The following AIG1 variants were observed in gnomAD, a reference collection of about 807,000 sequenced individuals.
AIG1 encodes the protein androgen induced 1.
In AIG1, 23 loss-of-function variants were observed where a neutral mutation model predicts 31.4. The ratio of observed to expected loss-of-function variants is 0.73; its 90% CI spans 0.53 to 1.04. The LOEUF (loss-of-function observed/expected upper bound fraction) is 1.04. Among genes scored for constraint, AIG1 ranks in the 50% least tolerant of loss-of-function variants. The probability of loss-of-function intolerance (pLI) is 0.00; values close to 1 mark genes in which losing one functional copy is unlikely to be tolerated. For synonymous variants in AIG1, 100 were observed against 110.5 expected (o/e 0.90, Z 0.60); for missense variants, 274 against 295.0 (o/e 0.93, Z 0.52).
intron 3 of AIG1, among the ~76,000 whole-genome samples, chr6:143,206,706 T>TA (rs1336220202): frequency 6.6e-6 from 1 of 152,238 alleles, no homozygotes; most frequent in African/African-American, 2.4e-5. Context: ...TAGAGGTCTT[T>TA]AATTTAAAGA....
At chr6:143,253,431 T>G (rs1795153890) in intron 3 of AIG1, among the ~76,000 whole-genome samples, 1 of 152,236 alleles carries the variant, frequency 6.6e-6, no homozygotes, top group South Asian at 2.1e-4. Flanking sequence ...TGTTATTCTG[T>G]GAAAAATGGT....
At chr6:143,076,649 C>T (rs1383417406) in intron 1 of AIG1, among the ~76,000 whole-genome samples, 3 of 151,184 alleles carry the variant, frequency 2.0e-5, no homozygotes, top group African/African-American at 7.3e-5. Context: ...ACCTCCATTT[C>T]CTGCCTTCTT....
chr6:143,152,158 G>A (rs9484709), intron 2 of AIG1, among the ~76,000 whole-genome samples: 1,732 of 152,190 alleles, frequency 0.011, 38 homozygotes, highest in African/African-American at 0.038. Flanking sequence ...ATCAAATAGA[G>A]GCATTGACAC....
intron 2 of AIG1, among the ~76,000 whole-genome samples, chr6:143,157,876 T>TAGAGAGGAA (rs2128555406): frequency 6.6e-6 from 1 of 152,296 alleles, no homozygotes. Context: ...CTCTCTATGT[T>TAGAGAGGAA]TTTTGTGTTA....
Position 143,151,111 on chromosome 6 carries a change from CTTTA to C in AIG1, c.298-13965_298-13962del, listed in dbSNP as rs1012015002. Among the ~76,000 whole-genome samples the C allele has an allele frequency of 2.0e-5, 3 of 152,248 alleles. 1 individual carries two copies. In the Middle Eastern group the frequency reaches 0.01, roughly 518 times the overall value. Reference sequence around the variant, plus strand: ...CAATTTTTTTTGCTAACTCCTCCCACTTTATTTATACAGCATAGATCATCATAGG... The same window carrying C: ...CAATTTTTTTTGCTAACTCCTCCCACTTTATACAGCATAGATCATCATAGG... On this transcript the variant is annotated intron_variant, in intron 2 of 5. Coordinates refer to ENST00000357847, the MANE Select transcript of AIG1 (RefSeq NM_016108.4).
At chr6:143,135,052 G>T (rs9376725) in intron 1 of AIG1, among the ~76,000 whole-genome samples, 2 of 152,156 alleles carry the variant, frequency 1.3e-5, no homozygotes, top group Middle Eastern at 3.4e-3. Context: ...TTTTCAAAGC[G>T]GTTGTCCAGA....
At chr6:143,184,539 C>G (rs1402529628) in intron 3 of AIG1, among the ~76,000 whole-genome samples, 1 of 152,178 alleles carries the variant, frequency 6.6e-6, no homozygotes, top group African/African-American at 2.4e-5. Flanking sequence ...CTCAAAGCTC[C>G]TCTTCCTATC....
chr6:143,219,031 C>T (rs2128621898), intron 3 of AIG1, among the ~76,000 whole-genome samples: 1 of 152,116 alleles, frequency 6.6e-6, no homozygotes, highest in Non-Finnish European at 1.5e-5. Flanking sequence ...ATTCGTTGTT[C>T]AAAATTAATT....
intron 3 of AIG1, among the ~76,000 whole-genome samples, chr6:143,171,373 A>G (rs1372443343): frequency 7.0e-6 from 1 of 142,456 alleles, no homozygotes; most frequent in Non-Finnish European, 1.5e-5. Context: ...CCAGTATTTT[A>G]TTCCTTTTTA....
chr6:143,074,599 T>C (rs1164905720), intron 1 of AIG1, among the ~76,000 whole-genome samples: 1 of 152,196 alleles, frequency 6.6e-6, no homozygotes, highest in African/African-American at 2.4e-5. Flanking sequence ...GTTGCACTGG[T>C]CCATGTTTAT....
At chr6:143,158,938 C>A (rs1786063522) in intron 2 of AIG1, among the ~76,000 whole-genome samples, 1 of 152,198 alleles carries the variant, frequency 6.6e-6, no homozygotes, top group South Asian at 2.1e-4. Context: ...ATGAACAGGG[C>A]AAACCAATTC....
chr6:143,208,213 G>A lies in AIG1; in HGVS notation c.399+43030G>A, dbSNP rs114129820. Reference sequence around the variant, plus strand: ...GAACACTGCCCATGTCCTATTGCACGGGTAAAAGGTAAATAGGAAATAAAA... The same window carrying A: ...GAACACTGCCCATGTCCTATTGCACAGGTAAAAGGTAAATAGGAAATAAAA... On this transcript the variant is annotated intron_variant, in intron 3 of 5. Transcript: ENST00000357847. Among the ~76,000 whole-genome samples the A allele has an allele frequency of 1.1e-3, 164 of 152,212 alleles. 2 individuals carry two copies. The highest frequency in any genetic ancestry group is 3.5e-3 in the African/African-American group (145 of 41,532).
intron 3 of AIG1, among the ~76,000 whole-genome samples, chr6:143,216,902 A>G (rs1262325951): frequency 6.6e-6 from 1 of 152,212 alleles, no homozygotes; most frequent in Non-Finnish European, 1.5e-5. Flanking sequence ...CATCATTTAA[A>G]TAATCTCTAA....
At chr6:143,315,494 AT>A (rs1164174030) in intron 4 of AIG1, among the ~76,000 whole-genome samples, 1 of 152,158 alleles carries the variant, frequency 6.6e-6, no homozygotes, top group Non-Finnish European at 1.5e-5. Flanking sequence ...ATGGAACAAA[AT>A]AAAGAGCTAG....
intron 4 of AIG1, among the ~76,000 whole-genome samples, chr6:143,306,471 G>T (rs1253635408): frequency 6.6e-6 from 1 of 152,024 alleles, no homozygotes; most frequent in African/African-American, 2.4e-5. Flanking sequence ...ATTTTATTTT[G>T]CCTTCACTTA....
At chr6:143,183,759 T>C (rs772794993) in intron 3 of AIG1, among the ~76,000 whole-genome samples, 2 of 152,190 alleles carry the variant, frequency 1.3e-5, no homozygotes, top group Non-Finnish European at 2.9e-5. Context: ...AATCCATAGA[T>C]ATTTCAAAGT....
At chr6:143,150,960 G>A (rs559395315) in intron 2 of AIG1, among the ~76,000 whole-genome samples, 1 of 152,282 alleles carries the variant, frequency 6.6e-6, no homozygotes, top group South Asian at 2.1e-4. Flanking sequence ...GGCCTAGGCA[G>A]TTGACAGGGA....
chr6:143,278,284 C>T (rs1454211974), intron 3 of AIG1, among the ~76,000 whole-genome samples: 2 of 152,018 alleles, frequency 1.3e-5, no homozygotes, highest in Admixed American at 6.5e-5. Flanking sequence ...TCCAGTATAC[C>T]CCAGTATGTA....
intron 1 of AIG1, among the ~76,000 whole-genome samples, chr6:143,105,483 G>A (rs1168689747): frequency 1.3e-5 from 2 of 152,234 alleles, no homozygotes; most frequent in Admixed American, 6.5e-5. Flanking sequence ...TAGCTGGAAT[G>A]CTTTTCTCAA....
Sources: allele counts gnomAD v4.1 joint callset (sites outside exome capture counted in the v4.1 genomes callset), GRCh38; gene constraint gnomAD v4.1.1; transcripts MANE v1.5; gene names NCBI Gene and HGNC (gene_info 2026-07-23, HGNC 2026-07-21).